The following KIT variants were observed in gnomAD, a reference collection of about 807,000 sequenced individuals.
The protein encoded by KIT is mast/stem cell growth factor receptor Kit.
Under a neutral mutation model 105.7 loss-of-function variants are expected in KIT, and 16 were observed. The ratio of observed to expected loss-of-function variants is 0.15; its 90% CI spans 0.10 to 0.23. The LOEUF (loss-of-function observed/expected upper bound fraction) is 0.23. Among genes scored for constraint, KIT ranks in the 10% least tolerant of loss-of-function variants. The pLI, the probability that KIT is intolerant of heterozygous loss-of-function variation, is 1.00. For missense variants in KIT, 858 were observed against 1,213.8 expected (o/e 0.71, Z 4.36); for synonymous variants, 438 against 441.1 (o/e 0.99, Z 0.09).
intron 7 of KIT, 145 bp downstream of exon 7, chr4:54,709,684 G>C: frequency 1.4e-6 from 1 of 698,930 alleles, no homozygotes. Context: ...TCGTGGTTTG[G>C]TGGTTAGAGT....
chr4:54,691,574 C>T (rs1164055275), intron 1 of KIT, among the ~76,000 whole-genome samples: 1 of 151,990 alleles, frequency 6.6e-6, no homozygotes, highest in Non-Finnish European at 1.5e-5. Context: ...AGGTTGGGTC[C>T]GGGGAAAACA....
chr4:54,733,249 G>GATAAAA, intron 17 of KIT, 57 bp downstream of exon 17: 1 of 1,573,626 alleles, frequency 6.4e-7, no homozygotes, highest in Admixed American at 1.7e-5. Flanking sequence ...TTCAACTTTC[G>GATAAAA]ATAAAAATTG....
intron 2 of KIT, among the ~76,000 whole-genome samples, chr4:54,697,289 A>G (rs1720137907): frequency 6.6e-6 from 1 of 152,192 alleles, no homozygotes; most frequent in African/African-American, 2.4e-5. Flanking sequence ...TTCAAAATTG[A>G]TCAAGGATAA....
intron 6 of KIT, among the ~76,000 whole-genome samples, 171 bp downstream of exon 6, chr4:54,707,458 G>C (rs1370204140): frequency 6.6e-6 from 1 of 152,090 alleles, no homozygotes; most frequent in Non-Finnish European, 1.5e-5. Context: ...TGTGTGTTTA[G>C]AGCATGCACA....
intron 1 of KIT, among the ~76,000 whole-genome samples, chr4:54,689,179 A>G (rs753361490): frequency 3.9e-5 from 6 of 152,238 alleles, no homozygotes; most frequent in Non-Finnish European, 7.3e-5. Flanking sequence ...TGAGCGACCC[A>G]TATAAAGCCT....
chr4:54,680,317 G>C (rs945551490), intron 1 of KIT, among the ~76,000 whole-genome samples: 4 of 149,866 alleles, frequency 2.7e-5, no homozygotes, highest in African/African-American at 9.8e-5. Flanking sequence ...ATTCAAATTA[G>C]ATGCCATAAG....
At chr4:54,723,417 C>T (rs572038720) in intron 7 of KIT, among the ~76,000 whole-genome samples, 167 bp from the exon 8 acceptor site, 8 of 152,274 alleles carry the variant, frequency 5.3e-5, no homozygotes, top group Admixed American at 1.3e-4. Context: ...CCCTGACAGC[C>T]GCCTCCTTGT....
At chr4:54,697,064 A>G (rs143948109) in intron 2 of KIT, among the ~76,000 whole-genome samples, 1 of 152,346 alleles carries the variant, frequency 6.6e-6, no homozygotes, top group East Asian at 1.9e-4. Flanking sequence ...TAACAAATGT[A>G]AGATGTTTGA....
chr4:54,683,885 G>A (rs1418335989), intron 1 of KIT, among the ~76,000 whole-genome samples: 2 of 152,192 alleles, frequency 1.3e-5, no homozygotes, highest in Non-Finnish European at 2.9e-5. Context: ...TCTCCCAGCT[G>A]GGCAATGTTG....
chr4:54,674,133 T>A (rs554948709), intron 1 of KIT, among the ~76,000 whole-genome samples: 2 of 151,220 alleles, frequency 1.3e-5, no homozygotes. Flanking sequence ...ATCCTAAGAC[T>A]TTTTTTTTGT....
intron 19 of KIT, 33 bp from the exon 20 acceptor site, chr4:54,737,142 G>A (rs757553443): frequency 1.4e-6 from 2 of 1,387,292 alleles, no homozygotes; most frequent in South Asian, 2.3e-5. Context: ...TGAGGGCATT[G>A]AGGAGGGATA....
intron 1 of KIT, among the ~76,000 whole-genome samples, chr4:54,672,249 C>T (rs1382365657): frequency 1.3e-5 from 2 of 151,890 alleles, no homozygotes; most frequent in Non-Finnish European, 2.9e-5. Context: ...TCACCTGTAC[C>T]ATTTTGAATA....
chr4:54,726,905 A>T (rs1209104710), intron 9 of KIT, among the ~76,000 whole-genome samples: 1 of 152,056 alleles, frequency 6.6e-6, no homozygotes, highest in African/African-American at 2.4e-5. Context: ...TTAAAGTTGT[A>T]CAAGGCAGGA....
At chr4:54,730,395 ATAT>A (rs1345770887) in intron 14 of KIT, among the ~76,000 whole-genome samples, 1 of 152,126 alleles carries the variant, frequency 6.6e-6, no homozygotes, top group East Asian at 1.9e-4. Context: ...ACCTCAGTAA[ATAT>A]TATTGATGGG....
At chr4:54,731,257 A>G in intron 14 of KIT, 71 bp from the exon 15 acceptor site, 1 of 991,026 alleles carries the variant, frequency 1.0e-6, no homozygotes, top group Non-Finnish European at 1.6e-6. Flanking sequence ...ATGAGGAGGT[A>G]GAGCATGACC....
intron 7 of KIT, 147 bp from the exon 8 acceptor site, chr4:54,723,437 T>C: frequency 1.4e-6 from 1 of 690,884 alleles, no homozygotes. Flanking sequence ...TACCTTCCAC[T>C]CCTTGGTTCA....
intron 19 of KIT, 53 bp downstream of exon 19, chr4:54,736,873 T>C (rs1722952050): frequency 2.2e-6 from 3 of 1,392,594 alleles, no homozygotes; most frequent in Middle Eastern, 1.8e-4. Flanking sequence ...TTATTTTTCT[T>C]TTTAGAGACA....
chr4:54,716,078 A>G (rs559275675), intron 7 of KIT, among the ~76,000 whole-genome samples: 38 of 152,332 alleles, frequency 2.5e-4, no homozygotes, highest in African/African-American at 9.1e-4. Flanking sequence ...CGTCCAAACC[A>G]TACTTGTGTT....
chr4:54,728,676 G>C (rs1378918921), intron 13 of KIT, among the ~76,000 whole-genome samples: 1 of 152,180 alleles, frequency 6.6e-6, no homozygotes. Flanking sequence ...GGAGATCCAC[G>C]ATAAAGTTGA....
Sources: gnomAD v4.1 joint callset for allele counts (sites outside exome capture counted in the v4.1 genomes callset) on GRCh38, gnomAD v4.1.1 for gene constraint, MANE v1.5 for transcripts, NCBI Gene and HGNC (gene_info 2026-07-23, HGNC 2026-07-21) for gene names.